The following CALCRL variants were observed in gnomAD, a reference collection of about 807,000 sequenced individuals.
The protein encoded by CALCRL is calcitonin gene-related peptide type 1 receptor.
In CALCRL, 27 loss-of-function variants were observed where a neutral mutation model predicts 60.4. The ratio of observed to expected loss-of-function variants is 0.45; its 90% confidence interval spans 0.33 to 0.62. CALCRL has a LOEUF of 0.62. Ranked by LOEUF, CALCRL falls within the 20% of genes least tolerant of loss-of-function variation. The probability of loss-of-function intolerance (pLI) is 0.03; values close to 1 mark genes in which losing one functional copy is unlikely to be tolerated. For synonymous variants in CALCRL, 190 were observed against 182.6 expected (o/e 1.04, Z -0.33); for missense variants, 424 against 540.7 (o/e 0.78, Z 2.14).
chr2:187,417,186 T>C (rs889452186), intron 1 of CALCRL, among the ~76,000 whole-genome samples: 4 of 151,914 alleles, frequency 2.6e-5, no homozygotes, highest in African/African-American at 4.8e-5. Flanking sequence ...AAAACTAATA[T>C]ATAGATGAAA....
chr2:187,404,305 GA>G (rs1374390283), intron 1 of CALCRL, among the ~76,000 whole-genome samples: 1 of 151,736 alleles, frequency 6.6e-6, no homozygotes, highest in Non-Finnish European at 1.5e-5. Flanking sequence ...AGAAACTAAA[GA>G]AGCAATAGTG....
At chr2:187,440,101 T>A (rs1449344577) in intron 1 of CALCRL, among the ~76,000 whole-genome samples, 1 of 152,116 alleles carries the variant, frequency 6.6e-6, no homozygotes, top group Non-Finnish European at 1.5e-5. Context: ...TGCACAATGA[T>A]CTTTGTTCCT....
chr2:187,442,189 T>C (rs1475120407), intron 1 of CALCRL: 2 of 149,264 alleles, frequency 1.3e-5, no homozygotes, highest in Non-Finnish European at 3.0e-5. Flanking sequence ...TGTGTGTATA[T>C]ATGTATACAT....
intron 1 of CALCRL, among the ~76,000 whole-genome samples, chr2:187,433,571 C>G (rs972566579): frequency 7.9e-5 from 12 of 151,872 alleles, no homozygotes; most frequent in African/African-American, 1.7e-4. Flanking sequence ...GATAAAAATA[C>G]CTAGAGAAAA....
At chr2:187,443,051 A>T (rs1690995933) in intron 1 of CALCRL, among the ~76,000 whole-genome samples, 1 of 151,870 alleles carries the variant, frequency 6.6e-6, no homozygotes, top group African/African-American at 2.4e-5. Flanking sequence ...ACCTTTTTAA[A>T]TTGTTAATAT....
Position 187,346,019 on chromosome 2 carries a change from C to T in CALCRL, c.*165G>A. The T allele has an allele frequency of 1.9e-6, 1 of 526,966 alleles. No homozygotes were observed. Among genetic ancestry groups the T allele is most frequent in the South Asian group, 2.9e-5 (1 of 34,400 alleles). The allele number at this position is 526,966 out of a possible 1,614,324, so 32.6% of individuals were successfully genotyped here. A position where few individuals can be genotyped will look rare whatever the true frequency, so the allele number is the denominator to read the frequency against. On this transcript the variant is annotated 3_prime_UTR_variant, in exon 15 of 15. Transcript: ENST00000392370. ...AGGATTTCTTTTTTCCCACATAGAG[C>T]TGGATGTTACACTCTTATCAACACA... is the stretch of plus-strand genomic sequence containing the variant.
chr2:187,420,239 A>G (rs1375923056), intron 1 of CALCRL, among the ~76,000 whole-genome samples: 1 of 152,192 alleles, frequency 6.6e-6, no homozygotes, highest in Non-Finnish European at 1.5e-5. Context: ...CTTTCATATC[A>G]AGTATTATTT....
At chr2:187,373,168 C>T (rs1401012129) in intron 8 of CALCRL, among the ~76,000 whole-genome samples, 2 of 152,044 alleles carry the variant, frequency 1.3e-5, no homozygotes, top group African/African-American at 4.8e-5. Context: ...TGTGCAAGAT[C>T]CTATGCTAAG....
intron 1 of CALCRL, among the ~76,000 whole-genome samples, chr2:187,414,249 G>C (rs751569358): frequency 2.0e-4 from 31 of 151,948 alleles, no homozygotes; most frequent in Non-Finnish European, 2.4e-4. Flanking sequence ...TGTTTTATTA[G>C]GATGTGAGTA....
intron 7 of CALCRL, among the ~76,000 whole-genome samples, chr2:187,379,713 C>G (rs1186576288): frequency 2.0e-5 from 3 of 152,110 alleles, no homozygotes; most frequent in Non-Finnish European, 2.9e-5. Context: ...ATATGCTAAT[C>G]TTTTAAGTAT....
intron 1 of CALCRL, among the ~76,000 whole-genome samples, chr2:187,424,411 A>C (rs572708931): frequency 6.6e-6 from 1 of 151,552 alleles, no homozygotes; most frequent in Admixed American, 6.6e-5. Flanking sequence ...TTTTCTTATA[A>C]GCCACACCCT....
chr2:187,426,239 A>ATTTT (rs200787283), intron 1 of CALCRL, among the ~76,000 whole-genome samples: 1 of 127,432 alleles, frequency 7.8e-6, no homozygotes. Context: ...TCTGTCATTT[A>ATTTT]TTATTTTTTT....
chr2:187,410,128 G>C (rs968461588), intron 1 of CALCRL, among the ~76,000 whole-genome samples: 1 of 152,146 alleles, frequency 6.6e-6, no homozygotes, highest in African/African-American at 2.4e-5. Flanking sequence ...ACAAGAATAA[G>C]GAGTTCCTTT....
rs555668900 is a variant in CALCRL at position 187,360,096 on chromosome 2, A to G, written c.781+502T>C. ...TATCACTGTTTGCTTTGTGAATAAT[A>G]CCACATCAGGATATTGTGTAGAAAA... is the stretch of plus-strand genomic sequence containing the variant. On this transcript the variant is annotated intron_variant, in intron 10 of 14. Transcript: ENST00000392370. Among the ~76,000 whole-genome samples the G allele has an allele frequency of 2.7e-4, 41 of 152,222 alleles. 1 individual carries two copies. In the South Asian group the frequency reaches 6.4e-3, roughly 24 times the overall value.
rs527699745 is a variant in CALCRL, at chr2:187,380,570, G to C, written c.305C>G (p.Thr102Arg). 1 of 1,610,338 alleles carries C rather than the reference G, an allele frequency of 6.2e-7. No individual in the cohort carries two copies. The highest frequency in any genetic ancestry group is 8.5e-7 in the Non-Finnish European group (1 of 1,177,726). ...FQDFDPSEKV[T>R]KICDQDGNWF... ...GTTTCCATCTTGGTCACAGATCTTTGTAACTTTTTCTTTAAAATTAAAAAA... is the reference window on the plus strand; with the variant it reads ...GTTTCCATCTTGGTCACAGATCTTTCTAACTTTTTCTTTAAAATTAAAAAA... The change falls in exon 7 of 15, where the codon ACA becomes AGA. Residue 102 changes from threonine to arginine, a missense_variant. By Grantham distance (71) the Thr-to-Arg change is moderately conservative. Transcript: ENST00000392370.
chr2:187,378,812 A>C, intron 8 of CALCRL, 128 bp downstream of exon 8: 2 of 555,902 alleles, frequency 3.6e-6, no homozygotes, highest in Admixed American at 2.9e-5. Flanking sequence ...AACTTATTTC[A>C]ACTTATTTTA....
In CALCRL at chr2:187,379,048, C is replaced by T; in HGVS notation, c.409-17G>A. ...TAGTGCAGTCTGTAATTTGTATAAA[C>T]AAAAAAATTTGGTTCATATCAATAC... On this transcript the variant is annotated splice_polypyrimidine_tract_variant and intron_variant, in intron 7 of 14. Coordinates refer to ENST00000392370, the MANE Select transcript of CALCRL (RefSeq NM_005795.6). 6.6e-7 allele frequency: 1 copy of T among 1,518,816 alleles called. No individual in the cohort carries two copies. The highest frequency in any genetic ancestry group is 9.1e-7 in the Non-Finnish European group (1 of 1,100,226). The allele number at this position is 1,518,816 out of a possible 1,614,324, so 94.1% of individuals were successfully genotyped here.
intron 1 of CALCRL, among the ~76,000 whole-genome samples, chr2:187,410,774 G>A (rs570505125): frequency 6.6e-6 from 1 of 152,200 alleles, no homozygotes; most frequent in South Asian, 2.1e-4. Context: ...AGGTACTATG[G>A]CTCAAGACAG....
chr2:187,406,939 A>C (rs1487739277), intron 1 of CALCRL, among the ~76,000 whole-genome samples: 1 of 152,092 alleles, frequency 6.6e-6, no homozygotes, highest in African/African-American at 2.4e-5. Context: ...TCTACCATCT[A>C]TCTTTTTAGG....
Sources: gnomAD v4.1 joint callset for allele counts (sites outside exome capture counted in the v4.1 genomes callset) on GRCh38, gnomAD v4.1.1 for gene constraint, MANE v1.5 for transcripts, NCBI Gene and HGNC (gene_info 2026-07-23, HGNC 2026-07-21) for gene names.